The following SLC2A9 variants were observed in gnomAD, a reference collection of about 807,000 sequenced individuals.
SLC2A9 encodes the protein solute carrier family 2 member 9, also known as solute carrier family 2, facilitated glucose transporter member 9.
A neutral mutation model predicts 50.6 loss-of-function variants in SLC2A9; 39 were observed. That is an observed-to-expected ratio of 0.77 (90% CI 0.60 to 1.01). The LOEUF (loss-of-function observed/expected upper bound fraction) is 1.01, where lower values mean the gene tolerates loss of function less well. Ranked by LOEUF, SLC2A9 falls within the 50% of genes least tolerant of loss-of-function variation. The pLI is 0.00. For synonymous variants in SLC2A9, 324 were observed against 276.9 expected, an observed-to-expected ratio of 1.17 and a Z score of -1.69; for missense variants, 686 against 677.6, an observed-to-expected ratio of 1.01 and a Z score of -0.14.
At chr4:9,876,206 G>A (rs939985614) in intron 10 of SLC2A9, among the ~76,000 whole-genome samples, 3 of 152,142 alleles carry the variant, frequency 2.0e-5, no homozygotes, top group African/African-American at 7.2e-5. Flanking sequence ...TACCCCTGAG[G>A]TGGTTGAAGC....
chr4:9,785,697 G>A (rs1371129995), intron 3 of SLC2A9, among the ~76,000 whole-genome samples: 1 of 152,214 alleles, frequency 6.6e-6, no homozygotes, highest in African/African-American at 2.4e-5. Flanking sequence ...TATGCTCTAG[G>A]CATTGTTCTA....
chr4:9,802,986 G>A (rs1721660341), intron 3 of SLC2A9, among the ~76,000 whole-genome samples: 1 of 152,190 alleles, frequency 6.6e-6, no homozygotes, highest in Non-Finnish European at 1.5e-5. Flanking sequence ...TGGACTGCAG[G>A]AATTCACTTC....
At chr4:9,840,540 A>C (rs1333060587) in intron 10 of SLC2A9, among the ~76,000 whole-genome samples, 1 of 152,224 alleles carries the variant, frequency 6.6e-6, no homozygotes, top group Non-Finnish European at 1.5e-5. Context: ...CAAAGTATAA[A>C]AAGGAAACAA....
intron 10 of SLC2A9, among the ~76,000 whole-genome samples, chr4:9,867,008 T>A (rs1363373141): frequency 2.6e-5 from 4 of 152,206 alleles, no homozygotes; most frequent in Non-Finnish European, 5.9e-5. Flanking sequence ...CTGCTCCCAA[T>A]ATGGGGAGAC....
At chr4:9,946,311 C>T (rs1265671002) in intron 5 of SLC2A9, among the ~76,000 whole-genome samples, 5 of 152,108 alleles carry the variant, frequency 3.3e-5, no homozygotes, top group African/African-American at 4.8e-5. Flanking sequence ...GTCATATTTC[C>T]CCCAAGCTAT....
downstream of SLC2A9, among the ~76,000 whole-genome samples, chr4:9,776,781 G>A (rs911590155): frequency 1.3e-5 from 2 of 152,070 alleles, no homozygotes; most frequent in African/African-American, 4.8e-5. Flanking sequence ...GAGATATGAA[G>A]GCTCGTAGTT....
At chr4:10,032,485 G>T (rs1763968025) in intron 1 of SLC2A9, among the ~76,000 whole-genome samples, 1 of 152,098 alleles carries the variant, frequency 6.6e-6, no homozygotes, top group Non-Finnish European at 1.5e-5. Flanking sequence ...GGGGGTTGGA[G>T]GATGATCAGG....
intron 2 of SLC2A9, among the ~76,000 whole-genome samples, chr4:10,008,287 T>G (rs1275471547): frequency 1.3e-5 from 2 of 152,210 alleles, no homozygotes; most frequent in Non-Finnish European, 2.9e-5. Flanking sequence ...CTCCAGGGCA[T>G]GGTGCGGGGG....
upstream of SLC2A9, chr4:10,025,897 G>A: frequency 6.2e-7 from 1 of 1,613,504 alleles, no homozygotes; most frequent in East Asian, 2.2e-5. Context: ...AAAAAAAAAG[G>A]ACTGACCAAT....
At chr4:9,802,333 G>A (rs1054526374) in intron 3 of SLC2A9, among the ~76,000 whole-genome samples, 1 of 150,942 alleles carries the variant, frequency 6.6e-6, no homozygotes, top group Non-Finnish European at 1.5e-5. Context: ...GTAGTGACCT[G>A]TGGATCCTGG....
chr4:9,807,605 T>C (rs898045306), intron 3 of SLC2A9, among the ~76,000 whole-genome samples: 3 of 152,190 alleles, frequency 2.0e-5, no homozygotes, highest in Non-Finnish European at 1.5e-5. Context: ...ACTTACCAAC[T>C]GAATGGCATT....
At chr4:9,973,155 T>A (rs925101686) in intron 5 of SLC2A9, among the ~76,000 whole-genome samples, 13 of 152,182 alleles carry the variant, frequency 8.5e-5, no homozygotes, top group African/African-American at 2.7e-4. Flanking sequence ...CTTCAGAGAC[T>A]ATTATGAACA....
At chr4:9,832,810 G>A (rs962050021) in intron 11 of SLC2A9, among the ~76,000 whole-genome samples, 3 of 152,134 alleles carry the variant, frequency 2.0e-5, no homozygotes, top group Non-Finnish European at 4.4e-5. Flanking sequence ...CACAGGCAGC[G>A]GTGGAGCACT....
At chr4:9,788,804 A>G (rs114734117) in intron 3 of SLC2A9, among the ~76,000 whole-genome samples, 1,859 of 152,212 alleles carry the variant, frequency 0.012, 21 homozygotes, top group South Asian at 0.04. Flanking sequence ...TTATTCTTTG[A>G]GTAGTTTTTT....
At chr4:10,021,206 C>T (rs1358808131) in intron 1 of SLC2A9, 74 bp downstream of exon 1, 2 of 1,515,694 alleles carry the variant, frequency 1.3e-6, no homozygotes, top group East Asian at 2.3e-5. Context: ...GGGCTGAGCA[C>T]TGTCACACGG....
At chr4:9,940,232 C>T (rs1365330209) in intron 6 of SLC2A9, among the ~76,000 whole-genome samples, 1 of 152,202 alleles carries the variant, frequency 6.6e-6, no homozygotes, top group Non-Finnish European at 1.5e-5. Flanking sequence ...CTCTCTTAGT[C>T]ACCTTCTTTT....
intron 10 of SLC2A9, among the ~76,000 whole-genome samples, chr4:9,836,612 C>G (rs1346146836): frequency 6.6e-6 from 1 of 152,160 alleles, no homozygotes; most frequent in African/African-American, 2.4e-5. Context: ...GGTGAGGTAG[C>G]AAATGTGAGC....
At chr4:9,937,814 TG>T (rs1390358495) in intron 6 of SLC2A9, among the ~76,000 whole-genome samples, 1 of 152,144 alleles carries the variant, frequency 6.6e-6, no homozygotes, top group Non-Finnish European at 1.5e-5. Context: ...TGGTTGTTGG[TG>T]GGTGTGTTTG....
chr4:9,772,560 C>A (rs1716962045), intron 1 of SLC2A9, among the ~76,000 whole-genome samples: 2 of 152,208 alleles, frequency 1.3e-5, no homozygotes, highest in African/African-American at 4.8e-5. Context: ...CTCCAGGGAA[C>A]CACCGGCCTC....
Sources: allele counts gnomAD v4.1 joint callset (sites outside exome capture counted in the v4.1 genomes callset), GRCh38; gene constraint gnomAD v4.1.1; transcripts MANE v1.5; gene names NCBI Gene and HGNC (gene_info 2026-07-23, HGNC 2026-07-21).